PKD1L1: variants seen among roughly 807,000 people sequenced by gnomAD.
PKD1L1 encodes the protein polycystin 1 like 1, transient receptor potential channel interacting.
Under a neutral mutation model 323.4 loss-of-function variants are expected in PKD1L1, and 236 were observed. That is an observed-to-expected ratio of 0.73 (90% CI 0.66 to 0.81). The LOEUF (loss-of-function observed/expected upper bound fraction) is 0.81, where lower values mean the gene tolerates loss of function less well. PKD1L1 is among the 40% of genes least tolerant of loss of function. The pLI, the probability that PKD1L1 is intolerant of heterozygous loss-of-function variation, is 0.00. For missense variants in PKD1L1, 3,320 were observed against 3,508.0 expected (o/e 0.95, Z 1.35); for synonymous variants, 1,344 against 1,335.0 (o/e 1.01, Z -0.15).
chr7:47,822,526 C>T (rs1227811345), intron 45 of PKD1L1, among the ~76,000 whole-genome samples: 5 of 121,424 alleles, frequency 4.1e-5, no homozygotes, highest in Admixed American at 2.3e-4. Flanking sequence ...ACTCGGGAGG[C>T]GGAGGTTGCA....
chr7:47,792,144 TTCG>T (rs1483253027), intron 56 of PKD1L1, among the ~76,000 whole-genome samples: 2 of 152,184 alleles, frequency 1.3e-5, no homozygotes, highest in African/African-American at 2.4e-5. Context: ...CTATAATCTA[TTCG>T]TCCAAACCAG....
rs1187736419 is a variant in PKD1L1, at chr7:47,843,130, A to G, written c.5277T>C (p.Gly1759=). ...CCAAAAATCCATAAAGAATCACAGA[A>G]CCCATAATAAAAATACTGGGAAGCA... ...ENLLPSIFIM[G]SVILYGFLVA... is the part of the protein sequence containing the mutation. The change falls in exon 34 of 57, where the codon GGT becomes GGC. Residue 1759 remains glycine, a synonymous_variant. Transcript: ENST00000289672. 10 of 1,613,140 alleles carry G rather than the reference A, an allele frequency of 6.2e-6. No individual in the cohort carries two copies. The highest frequency in any genetic ancestry group is 2.7e-5 in the African/African-American group (2 of 74,784).
chr7:47,888,299 C>T (rs1244169774), intron 16 of PKD1L1, 149 bp from the exon 17 acceptor site: 1 of 788,698 alleles, frequency 1.3e-6, no homozygotes, highest in African/African-American at 1.8e-5. Flanking sequence ...TATGATGGCA[C>T]ATATGGAGTG....
chr7:47,782,530 C>G (rs1335447011), intron 56 of PKD1L1, among the ~76,000 whole-genome samples: 1 of 152,142 alleles, frequency 6.6e-6, no homozygotes, highest in African/African-American at 2.4e-5. Flanking sequence ...AGAAGGTCAC[C>G]ATGAGAAAAG....
In PKD1L1 at chr7:47,908,266, T is replaced by C. The variant is rs1474283; in HGVS notation, c.1229-16A>G. 1,034,000 of 1,604,010 alleles carry C rather than the reference T, an allele frequency of 0.64. 337,276 individuals carry two copies. The highest frequency in any genetic ancestry group is 0.89 in the African/African-American group (66,513 of 74,638). On this transcript the variant is annotated splice_polypyrimidine_tract_variant and intron_variant, in intron 8 of 56. Transcript: ENST00000289672. Reference sequence around the variant, plus strand: ...TAGACTCCTTCTGGAAAAATAAGAATGAACGGACACTTGATGAATTTTTAA... The same window carrying C: ...TAGACTCCTTCTGGAAAAATAAGAACGAACGGACACTTGATGAATTTTTAA...
At chr7:47,802,140 C>T (rs5022192) in intron 53 of PKD1L1, among the ~76,000 whole-genome samples, 65,299 of 148,436 alleles carry the variant, frequency 0.44, 15,030 homozygotes, top group East Asian at 0.6. Context: ...TGCAGTGAGC[C>T]GAGATTGCAC....
At chr7:47,957,160 G>T in the PKD1L1 span, 1 of 179,510 alleles carries the variant, frequency 5.6e-6, no homozygotes, top group Non-Finnish European at 1.2e-5. Flanking sequence ...GCTGTAAAAT[G>T]TGGAGCAGTA....
rs1209310189 is a variant in PKD1L1, at chr7:47,837,104, A to G, written c.5770-10T>C. ...ACTTGCAATAGAAAAGCTGAAACGG[A>G]AAGCAGGAGAAGTGTTCCCTGACAT... On this transcript the variant is annotated splice_polypyrimidine_tract_variant and intron_variant, in intron 36 of 56. Coordinates refer to ENST00000289672, the MANE Select transcript of PKD1L1 (RefSeq NM_138295.5). 1 of 1,613,642 alleles carries G rather than the reference A, an allele frequency of 6.2e-7. No individual in the cohort carries two copies. The highest frequency in any genetic ancestry group is 1.1e-5 in the South Asian group (1 of 91,032).
chr7:47,914,720 T>C (rs1191769130), intron 8 of PKD1L1, among the ~76,000 whole-genome samples: 1 of 152,056 alleles, frequency 6.6e-6, no homozygotes, highest in African/African-American at 2.4e-5. Context: ...TTCTCTCCCC[T>C]TCCTCCCTCT....
At position 47,796,166 on chromosome 7, in the gene PKD1L1, A is replaced by C. The variant is rs201578860; in HGVS notation, c.8194-16T>G. On this transcript the variant is annotated splice_polypyrimidine_tract_variant and intron_variant, in intron 54 of 56. Transcript: ENST00000289672. ...AACCTCTCAGCTAGGAAAAAGAAAA[A>C]AATAAAGACAAATTTCATGTTAGCA... 2 of 1,556,442 alleles carry C rather than the reference A, an allele frequency of 1.3e-6. No homozygotes were observed. Among genetic ancestry groups the C allele is most frequent in the East Asian group, 2.2e-5 (1 of 44,514 alleles).
intron 56 of PKD1L1, among the ~76,000 whole-genome samples, chr7:47,792,056 C>T (rs577873725): frequency 4.2e-4 from 64 of 152,306 alleles, no homozygotes; most frequent in Non-Finnish European, 5.4e-4. Flanking sequence ...GCTTCCTGCA[C>T]GTTTTGTCCT....
At chr7:47,927,330 A>G (rs1406906438) in intron 7 of PKD1L1, among the ~76,000 whole-genome samples, 1 of 152,042 alleles carries the variant, frequency 6.6e-6, no homozygotes, top group Non-Finnish European at 1.5e-5. Flanking sequence ...CCAGGCAGGA[A>G]TGCAGTGGTG....
At chr7:47,905,802 G>A (rs1180882019) in intron 10 of PKD1L1, 41 bp downstream of exon 10, 3 of 1,608,370 alleles carry the variant, frequency 1.9e-6, no homozygotes, top group African/African-American at 1.3e-5. Flanking sequence ...GACTGCGCGA[G>A]GGAGGTTTTT....
chr7:47,788,400 C>T (rs1008524400), intron 56 of PKD1L1, among the ~76,000 whole-genome samples: 3 of 150,246 alleles, frequency 2.0e-5, no homozygotes, highest in Non-Finnish European at 3.0e-5. Context: ...AAGAGATTCT[C>T]GTGCCTCAGC....
chr7:47,782,833 G>A (rs1050980329), intron 56 of PKD1L1, among the ~76,000 whole-genome samples: 5 of 152,166 alleles, frequency 3.3e-5, no homozygotes, highest in African/African-American at 9.7e-5. Flanking sequence ...TATATGTTGA[G>A]TAATAAATTA....
intron 45 of PKD1L1, among the ~76,000 whole-genome samples, chr7:47,826,646 G>A (rs1212164320): frequency 6.6e-6 from 1 of 152,122 alleles, no homozygotes; most frequent in Non-Finnish European, 1.5e-5. Flanking sequence ...TTCATGTTCC[G>A]AATTTGAAGA....
intron 56 of PKD1L1, among the ~76,000 whole-genome samples, chr7:47,778,158 G>T (rs368903152): frequency 6.4e-4 from 98 of 152,330 alleles, no homozygotes; most frequent in African/African-American, 2.3e-3. Context: ...ACCAGCAGAT[G>T]AGGTGACTCA....
In PKD1L1 at chr7:47,835,254, G is replaced by C. The variant is rs376861398; in HGVS notation, c.5944-11C>G. The C allele has an allele frequency of 1.0e-4, 156 of 1,548,274 alleles. 1 individual carries two copies. In the African/African-American group the frequency reaches 2.0e-3, roughly 20 times the overall value. ...GACGTCCAAGTGGGGCTGCAACAAA[G>C]CAACAGCAGCCATTACATCAACTCA... is the stretch of plus-strand genomic sequence containing the variant. On this transcript the variant is annotated splice_polypyrimidine_tract_variant and intron_variant, in intron 37 of 56. Transcript: ENST00000289672.
upstream of PKD1L1, among the ~76,000 whole-genome samples, chr7:47,951,719 TAA>T (rs1293556864): frequency 6.6e-6 from 1 of 152,230 alleles, no homozygotes; most frequent in African/African-American, 2.4e-5. Flanking sequence ...TTAATGATAC[TAA>T]GTTTCAGATT....
Sources: gnomAD v4.1 joint callset for allele counts (sites outside exome capture counted in the v4.1 genomes callset) on GRCh38, gnomAD v4.1.1 for gene constraint, MANE v1.5 for transcripts, NCBI Gene and HGNC (gene_info 2026-07-23, HGNC 2026-07-21) for gene names.